The following SLC44A5 variants were observed in gnomAD, a reference collection of about 807,000 sequenced individuals.
SLC44A5 encodes choline transporter-like protein 5.
In SLC44A5, 57 loss-of-function variants were observed where a neutral mutation model predicts 101.8. The ratio of observed to expected loss-of-function variants is 0.56; its 90% CI spans 0.45 to 0.70. The LOEUF (loss-of-function observed/expected upper bound fraction) is 0.70. Ranked by LOEUF, SLC44A5 falls within the 30% of genes least tolerant of loss-of-function variation. The pLI, the probability that SLC44A5 is intolerant of heterozygous loss-of-function variation, is 0.00. For missense variants in SLC44A5, 737 were observed against 853.1 expected (o/e 0.86, Z 1.70); for synonymous variants, 281 against 290.9 (o/e 0.97, Z 0.35).
intron 15 of SLC44A5, 145 bp from the exon 16 acceptor site, chr1:75,219,489 C>T: frequency 1.5e-6 from 1 of 675,252 alleles, no homozygotes; most frequent in Non-Finnish European, 2.6e-6. Context: ...ATTTTTCAGG[C>T]CTAGATTAAT....
intron 5 of SLC44A5, among the ~76,000 whole-genome samples, chr1:75,298,582 A>C (rs1425592363): frequency 1.3e-5 from 2 of 152,094 alleles, no homozygotes; most frequent in African/African-American, 4.8e-5. Context: ...ATAAGGACAC[A>C]AAGCATTTTT....
At chr1:75,662,320 A>G in the SLC44A5 span, among the ~76,000 whole-genome samples, 1 of 152,090 alleles carries the variant, frequency 6.6e-6, no homozygotes, top group African/African-American at 2.4e-5. Flanking sequence ...AGAGGCAGTG[A>G]ATAGAATGGT....
intron 4 of SLC44A5, among the ~76,000 whole-genome samples, chr1:75,312,894 A>G (rs12071051): frequency 6.6e-6 from 1 of 152,172 alleles, no homozygotes; most frequent in Admixed American, 6.5e-5. Flanking sequence ...GGATGATTAC[A>G]AGTTGTAAAG....
chr1:75,543,702 T>TATAG (rs1671491252), intron 1 of SLC44A5, among the ~76,000 whole-genome samples: 1 of 148,090 alleles, frequency 6.8e-6, no homozygotes, highest in Admixed American at 6.8e-5. Context: ...TATATACATA[T>TATAG]ATATATATAA....
chr1:75,717,374 A>G, the SLC44A5 span, among the ~76,000 whole-genome samples: 1 of 151,858 alleles, frequency 6.6e-6, no homozygotes, highest in African/African-American at 2.4e-5. Context: ...AAGAAAAAAT[A>G]TCAGAAGTTC....
intron 3 of SLC44A5, among the ~76,000 whole-genome samples, chr1:75,365,017 G>A (rs1301625154): frequency 6.6e-6 from 1 of 152,006 alleles, no homozygotes; most frequent in African/African-American, 2.4e-5. Context: ...TACATTTAAA[G>A]TTGACAAGTT....
chr1:75,453,582 T>C (rs1040041265), intron 2 of SLC44A5, among the ~76,000 whole-genome samples: 21 of 152,012 alleles, frequency 1.4e-4, no homozygotes, highest in Middle Eastern at 3.4e-3. Flanking sequence ...CCCTTTGAAA[T>C]TGATACAAAG....
chr1:75,491,359 C>T (rs1471519321), intron 2 of SLC44A5, among the ~76,000 whole-genome samples: 3 of 152,078 alleles, frequency 2.0e-5, no homozygotes, highest in African/African-American at 7.2e-5. Flanking sequence ...TCAGTGATGT[C>T]ACTAAGATGT....
intron 2 of SLC44A5, among the ~76,000 whole-genome samples, chr1:75,445,025 T>C (rs1245880374): frequency 6.6e-6 from 1 of 152,150 alleles, no homozygotes; most frequent in Non-Finnish European, 1.5e-5. Context: ...ATCCTCTCTC[T>C]TGATGTAAAT....
chr1:75,468,163 G>A (rs1390065969), intron 2 of SLC44A5, among the ~76,000 whole-genome samples: 1 of 152,102 alleles, frequency 6.6e-6, no homozygotes, highest in African/African-American at 2.4e-5. Context: ...CAAAAGACAG[G>A]CAAAAACAAA....
intron 2 of SLC44A5, among the ~76,000 whole-genome samples, chr1:75,475,053 G>A (rs1394334136): frequency 6.6e-6 from 1 of 152,234 alleles, no homozygotes; most frequent in Non-Finnish European, 1.5e-5. Context: ...TCAGCAGGAA[G>A]TGAAATGAGG....
At chr1:75,560,725 G>A (rs1409215027) in intron 1 of SLC44A5, among the ~76,000 whole-genome samples, 1 of 152,110 alleles carries the variant, frequency 6.6e-6, no homozygotes, top group African/African-American at 2.4e-5. Flanking sequence ...TGCCTCCAGA[G>A]ATGGAAGAAG....
rs149510522 is a variant in SLC44A5, at chr1:75,462,014, G to A, written c.14-65393C>T. ...TGGCTGACTTTGCCACCTGCTGACT[G>A]TAGAGCCCTATGGCACTGAGCAAAC... On this transcript the variant is annotated intron_variant, in intron 2 of 23. Coordinates refer to ENST00000370859, the MANE Select transcript of SLC44A5 (RefSeq NM_001130058.2). Among the ~76,000 whole-genome samples the A allele has an allele frequency of 4.4e-3, 672 of 152,310 alleles. 6 individuals carry two copies. The highest frequency in any genetic ancestry group is 0.016 in the African/African-American group (652 of 41,576).
the SLC44A5 span, among the ~76,000 whole-genome samples, chr1:75,687,653 T>C: frequency 6.6e-6 from 1 of 152,172 alleles, no homozygotes; most frequent in Admixed American, 6.5e-5. Context: ...AAGAAACCTA[T>C]AAGAATAGAA....
At chr1:75,347,745 G>A (rs1340760052) in intron 3 of SLC44A5, among the ~76,000 whole-genome samples, 1 of 151,728 alleles carries the variant, frequency 6.6e-6, no homozygotes, top group Admixed American at 6.6e-5. Flanking sequence ...TAGATGCCTA[G>A]AGCTGATCTC....
chr1:75,702,811 G>A, the SLC44A5 span, among the ~76,000 whole-genome samples: 39,066 of 151,484 alleles, frequency 0.26, 5,370 homozygotes, highest in Middle Eastern at 0.37. Flanking sequence ...ACAAATTTAC[G>A]AGAAAAAAAC....
chr1:75,396,542 A>C, intron 3 of SLC44A5, 41 bp downstream of exon 3: 1 of 1,487,420 alleles, frequency 6.7e-7, no homozygotes, highest in Non-Finnish European at 9.4e-7. Flanking sequence ...ATAGACTGTC[A>C]TGAAAGATTC....
At chr1:75,424,901 A>G (rs1008955048) in intron 2 of SLC44A5, among the ~76,000 whole-genome samples, 3 of 152,260 alleles carry the variant, frequency 2.0e-5, no homozygotes, top group Non-Finnish European at 4.4e-5. Context: ...TAACAAAAAC[A>G]TATACAAACA....
chr1:75,659,696 A>G, the SLC44A5 span, among the ~76,000 whole-genome samples: 1 of 151,558 alleles, frequency 6.6e-6, no homozygotes, highest in Non-Finnish European at 1.5e-5. Flanking sequence ...GCTACTCAGA[A>G]GCCGAGGTAG....
Sources: allele counts gnomAD v4.1 joint callset (sites outside exome capture counted in the v4.1 genomes callset), GRCh38; gene constraint gnomAD v4.1.1; transcripts MANE v1.5; gene names NCBI Gene and HGNC (gene_info 2026-07-23, HGNC 2026-07-21).